COG3: variants seen among roughly 807,000 people sequenced by gnomAD.
COG3 encodes the protein conserved oligomeric Golgi complex subunit 3.
COG3 carries 32 observed loss-of-function variants against 114.1 expected under a neutral mutation model. The ratio of observed to expected loss-of-function variants is 0.28; its 90% confidence interval spans 0.21 to 0.38. COG3 has a LOEUF of 0.38. Among genes scored for constraint, COG3 ranks in the 10% least tolerant of loss-of-function variants. The probability of loss-of-function intolerance (pLI) is 1.00; values close to 1 mark genes in which losing one functional copy is unlikely to be tolerated. For synonymous variants in COG3, 352 were observed against 365.7 expected, an observed-to-expected ratio of 0.96 and a Z score of 0.43; for missense variants, 813 against 973.2, an observed-to-expected ratio of 0.84 and a Z score of 2.19.
At chr13:45,512,129 G>A in intron 16 of COG3, 1 of 282,364 alleles carries the variant, frequency 3.5e-6, no homozygotes, top group East Asian at 6.5e-5. Flanking sequence ...CCTAGCCACT[G>A]GGGAAATGAT....
intron 17 of COG3, among the ~76,000 whole-genome samples, chr13:45,516,971 T>A (rs543321126): frequency 1.1e-4 from 16 of 152,296 alleles, no homozygotes; most frequent in South Asian, 1.0e-3. Flanking sequence ...TTGAGAAAGA[T>A]GATTCATCCA....
In COG3 at chr13:45,508,336, T is replaced by C. The variant is rs1022258024; in HGVS notation, c.1595-1356T>C. The stretch of plus-strand genomic sequence containing the variant: ...AAGAAAGATGAATGATGAACACCCA[T>C]ACCCACAACTTGGATTCAAGACTTA... On this transcript the variant is annotated intron_variant, in intron 14 of 22. Coordinates refer to ENST00000349995, the MANE Select transcript of COG3 (RefSeq NM_031431.4). Among the ~76,000 whole-genome samples the C allele has an allele frequency of 4.6e-4, 69 of 148,568 alleles. 1 individual carries two copies. Among genetic ancestry groups the C allele is most frequent in the Admixed American group, 4.2e-3 (63 of 14,844 alleles).
At chr13:45,465,343 C>T in intron 1 of COG3, 133 bp downstream of exon 1, 1 of 1,373,134 alleles carries the variant, frequency 7.3e-7, no homozygotes, top group Non-Finnish European at 9.6e-7. Context: ...GTGGCGGATC[C>T]GGTGGGAGGG....
chr13:45,524,244 ACTGT>A (rs1872469436), intron 19 of COG3, among the ~76,000 whole-genome samples: 1 of 152,184 alleles, frequency 6.6e-6, no homozygotes, highest in African/African-American at 2.4e-5. Context: ...TTGGCACATG[ACTGT>A]CTATTTTAAA....
Position 45,493,528 on chromosome 13 carries a change from T to C in COG3, c.1327+42T>C, listed in dbSNP as rs778745291. 3.2e-6 allele frequency: 5 copies of C among 1,549,784 alleles called. No individual in the cohort carries two copies. The East Asian group carries it at 9.1e-5, about 28-fold the overall frequency. On this transcript the variant is annotated intron_variant, in intron 12 of 22. Coordinates refer to ENST00000349995, the MANE Select transcript of COG3 (RefSeq NM_031431.4). Reference sequence around the variant, plus strand: ...GATCATTTTAAGTTATATCACTGGCTCAATGAATTTGAAAAAAAAATAAGT... The same window carrying C: ...GATCATTTTAAGTTATATCACTGGCCCAATGAATTTGAAAAAAAAATAAGT...
chr13:45,480,480 C>G (rs1401171973), intron 4 of COG3, among the ~76,000 whole-genome samples, 190 bp downstream of exon 4: 1 of 152,180 alleles, frequency 6.6e-6, no homozygotes, highest in African/African-American at 2.4e-5. Context: ...CAAAGGCAAG[C>G]CTTCTTATGT....
intron 19 of COG3, among the ~76,000 whole-genome samples, chr13:45,520,124 C>T (rs1180311392): frequency 6.6e-6 from 1 of 151,696 alleles, no homozygotes; most frequent in African/African-American, 2.4e-5. Context: ...CTAGTCGCTA[C>T]AAAAAACGAA....
At chr13:45,532,557 A>G (rs1405716332) in intron 22 of COG3, among the ~76,000 whole-genome samples, 1 of 73,798 alleles carries the variant, frequency 1.4e-5, no homozygotes, top group Non-Finnish European at 2.6e-5. Context: ...TTATCCTTCC[A>G]TTGTTTTTTT....
At chr13:45,470,881 T>C (rs146641787) in intron 1 of COG3, among the ~76,000 whole-genome samples, 1 of 152,362 alleles carries the variant, frequency 6.6e-6, no homozygotes, top group African/African-American at 2.4e-5. Context: ...TTTCTGACTT[T>C]ATGTGAAAGC....
chr13:45,474,686 C>T (rs948952819), intron 1 of COG3, among the ~76,000 whole-genome samples: 21 of 152,130 alleles, frequency 1.4e-4, no homozygotes, highest in Non-Finnish European at 2.6e-4. Context: ...TTTTAAAGGA[C>T]AGTGTTTCTA....
chr13:45,535,538 C>T lies in COG3; in HGVS notation c.*807C>T. 1.0e-6 allele frequency: 1 copy of T among 985,594 alleles called. No homozygotes were observed. Among genetic ancestry groups the T allele is most frequent in the Non-Finnish European group, 1.2e-6 (1 of 830,076 alleles). 61.1% of individuals were successfully genotyped at this position (985,594 alleles called of 1,614,324 possible). ...TGGCGCATAGAGGAGAGAAGGAAAC[C>T]TGAGGAGTAGTGTTCCTCCTGAATG... On this transcript the variant is annotated 3_prime_UTR_variant, in exon 23 of 23. Coordinates refer to ENST00000349995, the MANE Select transcript of COG3 (RefSeq NM_031431.4).
chr13:45,518,421 A>C (rs1403604079), intron 17 of COG3, among the ~76,000 whole-genome samples: 1 of 152,248 alleles, frequency 6.6e-6, no homozygotes, highest in Non-Finnish European at 1.5e-5. Context: ...TTTAATAAAG[A>C]AGCTGGGTAA....
chr13:45,533,062 G>A (rs1442881847), intron 22 of COG3, among the ~76,000 whole-genome samples: 1 of 151,976 alleles, frequency 6.6e-6, no homozygotes, highest in African/African-American at 2.4e-5. Context: ...GGCATGGATG[G>A]GGGCTGTGAA....
intron 1 of COG3, 120 bp downstream of exon 1, chr13:45,465,330 A>G (rs889338715): frequency 7.1e-7 from 1 of 1,411,550 alleles, no homozygotes; most frequent in East Asian, 2.7e-5. Flanking sequence ...CTCCCTGGCC[A>G]TGGTGGCGGA....
chr13:45,511,899 T>G, intron 16 of COG3, 45 bp downstream of exon 16: 8 of 1,433,968 alleles, frequency 5.6e-6, no homozygotes, highest in Non-Finnish European at 7.9e-6. Context: ...GGTAAAATAT[T>G]GTGGAATATA....
At chr13:45,516,106 T>A in intron 16 of COG3, 37 bp from the exon 17 acceptor site, 1 of 1,451,184 alleles carries the variant, frequency 6.9e-7, no homozygotes, top group Non-Finnish European at 9.4e-7. Flanking sequence ...TTTGATTTAA[T>A]ATGTGATCAT....
chr13:45,516,759 C>T (rs1871583494), intron 17 of COG3, among the ~76,000 whole-genome samples: 1 of 152,138 alleles, frequency 6.6e-6, no homozygotes, highest in East Asian at 1.9e-4. Flanking sequence ...CTTCTCCATG[C>T]CACCTTCCTT....
chr13:45,500,094 G>GTGTGTGTGTGTGTGTA (rs1321310200), intron 13 of COG3, among the ~76,000 whole-genome samples: 1 of 114,840 alleles, frequency 8.7e-6, no homozygotes, highest in African/African-American at 3.5e-5. Context: ...GTGTGTGTGT[G>GTGTGTGTGTGTGTGTA]TATATATATA....
At chr13:45,481,134 G>T in intron 4 of COG3, 96 bp from the exon 5 acceptor site, 1 of 708,512 alleles carries the variant, frequency 1.4e-6, no homozygotes, top group Admixed American at 2.3e-5. Context: ...ATAAACCTCT[G>T]TGTCTAATGT....
Sources: gnomAD v4.1 joint callset for allele counts (sites outside exome capture counted in the v4.1 genomes callset) on GRCh38, gnomAD v4.1.1 for gene constraint, MANE v1.5 for transcripts, NCBI Gene and HGNC (gene_info 2026-07-23, HGNC 2026-07-21) for gene names.